The following TDRD1 variants were observed in gnomAD, a reference collection of about 807,000 sequenced individuals.
TDRD1 encodes the protein tudor domain containing 1, also known as tudor domain-containing protein 1.
TDRD1 carries 37 observed loss-of-function variants against 140.6 expected under a neutral mutation model. The observed-to-expected ratio is 0.26, with a 90% confidence interval of 0.20 to 0.35. The LOEUF (loss-of-function observed/expected upper bound fraction) is 0.35. TDRD1 is among the 10% of genes least tolerant of loss of function. TDRD1 has a pLI of 1.00. For missense variants in TDRD1, 1,243 were observed against 1,393.0 expected (o/e 0.89, Z 1.71); for synonymous variants, 506 against 475.7 (o/e 1.06, Z -0.83).
intron 21 of TDRD1, among the ~76,000 whole-genome samples, chr10:114,223,618 C>T (rs1319711166): frequency 6.6e-6 from 1 of 152,154 alleles, no homozygotes; most frequent in Non-Finnish European, 1.5e-5. Context: ...CTATACTTGC[C>T]CTTTCTTTCC....
chr10:114,175,367 T>G (rs1309590443), upstream of TDRD1, among the ~76,000 whole-genome samples: 1 of 152,084 alleles, frequency 6.6e-6, no homozygotes. Context: ...TGAACCAAGT[T>G]TTTCACCATA....
chr10:114,217,482 G>A, intron 16 of TDRD1, 63 bp from the exon 17 acceptor site: 1 of 915,766 alleles, frequency 1.1e-6, no homozygotes, highest in Non-Finnish European at 1.7e-6. Context: ...GACTTTAAAG[G>A]AAAATCTGTG....
chr10:114,204,290 T>C (rs2034960764), intron 9 of TDRD1, 74 bp downstream of exon 9: 8 of 1,452,538 alleles, frequency 5.5e-6, no homozygotes, highest in Non-Finnish European at 6.4e-6. Flanking sequence ...ATGGGCACAG[T>C]GTTTGCTTGT....
chr10:114,176,030 ATT>A (rs1478675649), upstream of TDRD1, among the ~76,000 whole-genome samples: 2 of 152,168 alleles, frequency 1.3e-5, no homozygotes, highest in African/African-American at 4.8e-5. This position sits in a 1 kb window ranked among gnomAD's most constrained non-coding sequence, Gnocchi z 4.2. Flanking sequence ...GATGATCACC[ATT>A]TTGCAAACCC....
At chr10:114,203,330 A>C (rs1029488637) in intron 7 of TDRD1, 58 bp from the exon 8 acceptor site, 1 of 1,542,778 alleles carries the variant, frequency 6.5e-7, no homozygotes, top group Non-Finnish European at 8.7e-7. Context: ...AGCTTTAAGA[A>C]ATTTACATTT....
chr10:114,207,296 T>C (rs1195527815), intron 11 of TDRD1, among the ~76,000 whole-genome samples: 2 of 152,240 alleles, frequency 1.3e-5, no homozygotes, highest in Non-Finnish European at 2.9e-5. Context: ...GGAATCATCC[T>C]TAAATCTACC....
chr10:114,185,423 C>G (rs566023485), intron 1 of TDRD1, among the ~76,000 whole-genome samples: 1 of 152,230 alleles, frequency 6.6e-6, no homozygotes, highest in African/African-American at 2.4e-5. Context: ...CTCCTGACCT[C>G]AAGTAATCCA....
chr10:114,186,059 G>A (rs1326112131), intron 1 of TDRD1, among the ~76,000 whole-genome samples: 1 of 151,960 alleles, frequency 6.6e-6, no homozygotes. Context: ...TGGATTACTT[G>A]GGCTTGATTC....
intron 25 of TDRD1, among the ~76,000 whole-genome samples, chr10:114,229,545 ATCT>A (rs1191348585): frequency 1.3e-3 from 183 of 138,954 alleles, no homozygotes; most frequent in African/African-American, 4.8e-3. Context: ...AAATCTTTTA[ATCT>A]TTTTTTTTTT....
At chr10:114,208,307 G>A (rs921515464) in intron 11 of TDRD1, among the ~76,000 whole-genome samples, 1 of 152,154 alleles carries the variant, frequency 6.6e-6, no homozygotes. Flanking sequence ...TCAGTTTGTT[G>A]GATTCAAGTA....
upstream of TDRD1, among the ~76,000 whole-genome samples, chr10:114,176,021 A>T (rs1403722280): frequency 6.6e-6 from 1 of 152,182 alleles, no homozygotes; most frequent in Non-Finnish European, 1.5e-5. This position sits in a 1 kb window ranked among gnomAD's most constrained non-coding sequence, Gnocchi z 4.2. Flanking sequence ...AGAAAGATAG[A>T]TGATCACCAT....
chr10:114,213,437 G>A (rs2035613967), exon 15 of TDRD1: 1 of 1,613,908 alleles, frequency 6.2e-7, no homozygotes, highest in African/African-American at 1.3e-5. Flanking sequence ...TGAAAGTGGT[G>A]GACAAGTTGG....
At chr10:114,177,979 C>T (rs2032751352), upstream of TDRD1, among the ~76,000 whole-genome samples, 1 of 151,378 alleles carries the variant, frequency 6.6e-6, no homozygotes, top group Admixed American at 6.6e-5. Flanking sequence ...ATTACAGGCG[C>T]CTGCCACCAC....
chr10:114,189,801 A>T (rs2033824794), intron 2 of TDRD1, among the ~76,000 whole-genome samples: 1 of 152,194 alleles, frequency 6.6e-6, no homozygotes, highest in African/African-American at 2.4e-5. Context: ...TGTGTCAACA[A>T]TTGGAAATGC....
intron 8 of TDRD1, 121 bp downstream of exon 8, chr10:114,203,688 A>G (rs7071230): frequency 0.23 from 193,603 of 850,136 alleles, 23,432 homozygotes; most frequent in African/African-American, 0.33. Flanking sequence ...TCACGCTTCT[A>G]TTCCTCTTCA....
intron 6 of TDRD1, 143 bp downstream of exon 6, chr10:114,202,441 T>C: frequency 1.9e-6 from 1 of 538,720 alleles, no homozygotes. Flanking sequence ...ACCATAGTGA[T>C]ACAATCAGGG....
chr10:114,199,246 G>C lies in TDRD1; in HGVS notation c.458G>C (p.Ser153Thr), dbSNP rs2034568383. 5 of 1,614,098 alleles carry C rather than the reference G, an allele frequency of 3.1e-6. No individual in the cohort carries two copies. The Admixed American group carries it at 5.0e-5, about 16-fold the overall frequency. ...TTGGTCGAGAATTCCTTGTCCATAA[G>C]TAATCCAGGGCTCTTCACCTCCTTA... is the stretch of plus-strand genomic sequence containing the variant. The change falls in exon 4 of 26, where the codon AGT becomes ACT. Residue 153 changes from serine (S) to threonine (T), a missense_variant. This residue lies in a region of TDRD1 where 237 missense variants were observed against 215.5 expected (regional missense o/e 1.10). Transcript: ENST00000251864.
At chr10:114,204,636 G>A in intron 9 of TDRD1, 86 bp from the exon 10 acceptor site, 6 of 1,331,548 alleles carry the variant, frequency 4.5e-6, no homozygotes, top group Non-Finnish European at 6.1e-6. Flanking sequence ...TTTTCAGCAT[G>A]AAATACATTC....
intron 8 of TDRD1, 58 bp from the exon 9 acceptor site, chr10:114,204,015 T>A (rs536351649): frequency 4.5e-6 from 7 of 1,563,432 alleles, no homozygotes; most frequent in Admixed American, 4.4e-5. Flanking sequence ...GAGGGTTTTT[T>A]AATCTAAGAT....
Sources: gnomAD v4.1 joint callset for allele counts (sites outside exome capture counted in the v4.1 genomes callset) on GRCh38, gnomAD v4.1.1 for gene constraint, gnomAD v4.1.1 regional missense constraint, Gnocchi (gnomAD v3.1) non-coding constraint, MANE v1.5 for transcripts, NCBI Gene and HGNC (gene_info 2026-07-23, HGNC 2026-07-21) for gene names.